The following WDR27 variants were observed in gnomAD, a reference collection of about 807,000 sequenced individuals.
The protein encoded by WDR27 is WD repeat-containing protein 27.
A neutral mutation model predicts 114.4 loss-of-function variants in WDR27; 100 were observed. The observed-to-expected ratio is 0.87, with a 90% confidence interval of 0.74 to 1.03. The LOEUF (loss-of-function observed/expected upper bound fraction) is 1.03, where lower values mean the gene tolerates loss of function less well. WDR27 is among the 50% of genes least tolerant of loss of function. WDR27 has a pLI of 0.00. For synonymous variants in WDR27, 449 were observed against 423.1 expected (o/e 1.06, Z -0.75); for missense variants, 1,129 against 1,092.9 (o/e 1.03, Z -0.47).
intron 25 of WDR27, among the ~76,000 whole-genome samples, chr6:169,510,398 T>C (rs1792655867): frequency 6.6e-6 from 1 of 151,878 alleles, no homozygotes; most frequent in African/African-American, 2.4e-5. Flanking sequence ...CCAACAATGA[T>C]AGACTGGATT....
At chr6:169,449,605 C>T in the WDR27 span, among the ~76,000 whole-genome samples, 1 of 152,308 alleles carries the variant, frequency 6.6e-6, no homozygotes, top group East Asian at 1.9e-4. Context: ...CTGCCCCAGC[C>T]CCACCATCTC....
chr6:169,444,809 G>A, the WDR27 span, among the ~76,000 whole-genome samples: 16 of 152,088 alleles, frequency 1.1e-4, no homozygotes, highest in African/African-American at 3.6e-4. Context: ...TCATTCCCAG[G>A]GTCTGAGGCA....
At chr6:169,437,339 G>T in the WDR27 span, among the ~76,000 whole-genome samples, 6 of 152,148 alleles carry the variant, frequency 3.9e-5, no homozygotes, top group African/African-American at 1.4e-4. Flanking sequence ...GTTTGAAATA[G>T]CAAGGTTTTC....
intron 23 of WDR27, among the ~76,000 whole-genome samples, chr6:169,593,422 A>G (rs781097790): frequency 2.6e-5 from 4 of 152,232 alleles, no homozygotes; most frequent in Non-Finnish European, 5.9e-5. Flanking sequence ...TATGAGAAGC[A>G]GTCTCATGAT....
chr6:169,630,369 C>A (rs569346557), intron 21 of WDR27, among the ~76,000 whole-genome samples: 8 of 152,262 alleles, frequency 5.3e-5, no homozygotes, highest in Admixed American at 5.2e-4. Flanking sequence ...TTCAAATCGG[C>A]GCATGTCAAG....
intron 17 of WDR27, among the ~76,000 whole-genome samples, chr6:169,640,912 T>C (rs1818989876): frequency 6.6e-6 from 1 of 152,084 alleles, no homozygotes; most frequent in East Asian, 1.9e-4. Context: ...TGAGGATGTG[T>C]TTTCTACGTG....
At chr6:169,675,112 G>A (rs1050412534) in intron 2 of WDR27, among the ~76,000 whole-genome samples, 14 of 152,298 alleles carry the variant, frequency 9.2e-5, no homozygotes, top group African/African-American at 1.7e-4. Flanking sequence ...TATGATGGCC[G>A]AGCTTGGGCT....
chr6:169,496,955 G>A (rs994382683), intron 25 of WDR27, among the ~76,000 whole-genome samples: 1 of 152,032 alleles, frequency 6.6e-6, no homozygotes, highest in African/African-American at 2.4e-5. Flanking sequence ...AAATTCAAAT[G>A]GAGTCTCAAG....
chr6:169,566,902 G>A (rs3817868), intron 25 of WDR27, among the ~76,000 whole-genome samples: 89,883 of 152,062 alleles, frequency 0.59, 29,235 homozygotes, highest in Non-Finnish European at 0.72. Flanking sequence ...GAACTCAACT[G>A]TAAAAACAAA....
At chr6:169,473,663 G>C (rs1417476117) in intron 25 of WDR27, among the ~76,000 whole-genome samples, 1 of 146,294 alleles carries the variant, frequency 6.8e-6, no homozygotes, top group Non-Finnish European at 1.5e-5. Flanking sequence ...AGGAGCTAAA[G>C]AAAAAAAAAA....
chr6:169,605,748 G>A (rs891904228), intron 22 of WDR27, among the ~76,000 whole-genome samples: 18 of 152,026 alleles, frequency 1.2e-4, no homozygotes, highest in Non-Finnish European at 2.2e-4. Flanking sequence ...CATGGTACTG[G>A]TATAAAAATA....
At chr6:169,620,446 T>G (rs1812838810) in intron 21 of WDR27, among the ~76,000 whole-genome samples, 3 of 152,342 alleles carry the variant, frequency 2.0e-5, no homozygotes, top group Admixed American at 2.0e-4. Flanking sequence ...ATCTCATTGC[T>G]TCCTCTCCCC....
chr6:169,552,647 T>C (rs1310245711), intron 25 of WDR27, among the ~76,000 whole-genome samples: 2 of 152,262 alleles, frequency 1.3e-5, no homozygotes, highest in Non-Finnish European at 2.9e-5. Flanking sequence ...GTGCTTGCTC[T>C]AAATTGATCA....
chr6:169,674,234 T>C (rs190869754), intron 2 of WDR27, among the ~76,000 whole-genome samples: 23 of 152,134 alleles, frequency 1.5e-4, no homozygotes, highest in African/African-American at 4.1e-4. Flanking sequence ...AAATAAAGAA[T>C]AGAGAAATGC....
At chr6:169,658,950 G>C in intron 12 of WDR27, 136 bp downstream of exon 12, 1 of 1,241,820 alleles carries the variant, frequency 8.1e-7, no homozygotes, top group Non-Finnish European at 1.1e-6. Flanking sequence ...GCCTCCCAAA[G>C]TGCTGGGATT....
At chr6:169,580,933 T>TTATATATATATATATATATATA (rs1220748162) in intron 24 of WDR27, among the ~76,000 whole-genome samples, 8 of 53,688 alleles carry the variant, frequency 1.5e-4, no homozygotes, top group Non-Finnish European at 3.0e-4. Context: ...TTAGTGAATT[T>TTATATATATATATATATATATA]TATATATATA....
Position 169,688,824 on chromosome 6 carries a change from G to A in WDR27, c.182C>T (p.Ser61Phe). The change falls in exon 2 of 26, where the codon TCT becomes TTT. Residue 61 changes from serine to phenylalanine, a missense_variant. Physicochemically the swap from Ser to Phe is radical, Grantham distance 155. Transcript: ENST00000448612. ...ELCIWNTKDP[S>F]HQLLILRGHH... The stretch of plus-strand genomic sequence containing the variant: ...ATGTAACTCGTTCAATACCTGATGA[G>A]AAGGATCCTTAGTGTTCCATATACA... 1 of 1,604,596 alleles carries A rather than the reference G, an allele frequency of 6.2e-7. No individual in the cohort carries two copies. Among genetic ancestry groups the A allele is most frequent in the Non-Finnish European group, 8.5e-7 (1 of 1,175,994 alleles).
chr6:169,692,167 T>C (rs1304010993), intron 1 of WDR27, among the ~76,000 whole-genome samples: 1 of 152,108 alleles, frequency 6.6e-6, no homozygotes, highest in Non-Finnish European at 1.5e-5. Context: ...CCAAGCGAAA[T>C]ATAAAAGTAG....
intron 17 of WDR27, among the ~76,000 whole-genome samples, chr6:169,642,452 A>T (rs1279435556): frequency 6.6e-6 from 1 of 152,174 alleles, no homozygotes; most frequent in Non-Finnish European, 1.5e-5. Flanking sequence ...CATATCAACT[A>T]TTCAGCCACG....
Sources: gnomAD v4.1 joint callset for allele counts (sites outside exome capture counted in the v4.1 genomes callset) on GRCh38, gnomAD v4.1.1 for gene constraint, MANE v1.5 for transcripts, NCBI Gene and HGNC (gene_info 2026-07-23, HGNC 2026-07-21) for gene names.